Variants in IL1RAPL2 observed in about 807,000 individuals in gnomAD.
IL1RAPL2 encodes the protein interleukin 1 receptor accessory protein like 2.
Under a neutral mutation model 44.1 loss-of-function variants are expected in IL1RAPL2, and 3 were observed. That is an observed-to-expected ratio of 0.07 (90% CI 0.03 to 0.18). The LOEUF is 0.18. IL1RAPL2 is among the 10% of genes least tolerant of loss of function. The pLI is 1.00. For synonymous variants in IL1RAPL2, 181 were observed against 178.8 expected, an observed-to-expected ratio of 1.01 and a Z score of -0.10; for missense variants, 391 against 496.4, an observed-to-expected ratio of 0.79 and a Z score of 2.02.
At position 104,872,908 on chromosome X, in the gene IL1RAPL2, A is replaced by G. The variant is rs990440763; in HGVS notation, c.82+213913A>G. ...AAATACATGAGAAACCTTAACACCA[A>G]GAAATATACTTCACAGAACCTAGAG... On this transcript the variant is annotated intron_variant, in intron 2 of 10. Transcript: ENST00000372582. Among the ~76,000 whole-genome samples the G allele has an allele frequency of 2.5e-4, 28 of 111,459 alleles. 1 individual carries two copies. Among genetic ancestry groups the G allele is most frequent in the Admixed American group, 1.7e-3 (18 of 10,439 alleles).
chrX:105,191,510 C>T (rs1448339235), intron 2 of IL1RAPL2, among the ~76,000 whole-genome samples: 1 of 111,869 alleles, frequency 8.9e-6, no homozygotes, highest in Non-Finnish European at 1.9e-5. Flanking sequence ...CCACTGCACC[C>T]GGCCGATATT....
At chrX:105,086,260 TAC>T (rs57243276) in intron 2 of IL1RAPL2, among the ~76,000 whole-genome samples, 1,790 of 107,655 alleles carry the variant, frequency 0.017, 40 homozygotes, top group African/African-American at 0.058. Context: ...GAAAATGTGA[TAC>T]ACACACACAC....
intron 1 of IL1RAPL2, among the ~76,000 whole-genome samples, chrX:104,576,732 T>C (rs1928250628): frequency 8.9e-6 from 1 of 112,058 alleles, no homozygotes; most frequent in Admixed American, 9.5e-5. Flanking sequence ...GTCCTTTTGC[T>C]AATATCTTCA....
intron 2 of IL1RAPL2, among the ~76,000 whole-genome samples, chrX:105,102,594 A>G (rs947463816): frequency 4.5e-5 from 5 of 111,915 alleles, no homozygotes; most frequent in African/African-American, 1.6e-4. Flanking sequence ...CTATCTGAAC[A>G]TGAATGTATG....
chrX:105,219,196 GGC>G (rs2033907914), intron 3 of IL1RAPL2: 3 of 1,208,755 alleles, frequency 2.5e-6, no homozygotes, highest in African/African-American at 3.5e-5. Flanking sequence ...CCAGTCGGAA[GGC>G]AGCTGAGGCG....
chrX:105,530,817 A>G (rs1292097126), intron 6 of IL1RAPL2, among the ~76,000 whole-genome samples: 2 of 107,547 alleles, frequency 1.9e-5, no homozygotes, highest in Non-Finnish European at 3.8e-5. Context: ...GATCCCACAA[A>G]TAAGTGAGAA....
intron 2 of IL1RAPL2, among the ~76,000 whole-genome samples, chrX:104,670,385 C>T (rs1439853024): frequency 9.0e-6 from 1 of 111,499 alleles, no homozygotes; most frequent in African/African-American, 3.3e-5. Flanking sequence ...CTGCTTTGTT[C>T]TAGTTCTGCT....
chrX:104,794,522 A>C (rs989760084), intron 2 of IL1RAPL2, among the ~76,000 whole-genome samples: 2 of 111,478 alleles, frequency 1.8e-5, no homozygotes, highest in African/African-American at 6.5e-5. Context: ...AGGGAGGAAG[A>C]TAGGTGGTGG....
In IL1RAPL2 at chrX:105,157,993, G is replaced by A. The variant is rs766042428; in HGVS notation, c.83-37482G>A. Among the ~76,000 whole-genome samples, 14 of 112,100 alleles carry A rather than the reference G, an allele frequency of 1.2e-4. No homozygotes were observed. In the South Asian group the frequency reaches 5.2e-3, roughly 41 times the overall value. On this transcript the variant is annotated intron_variant, in intron 2 of 10. Coordinates refer to ENST00000372582, the MANE Select transcript of IL1RAPL2 (RefSeq NM_017416.2). ...AAAAAGAGTAGAACTATGGGGCACGGAGGAAAAGCTTCATCTACAGTAAGG... is the reference window on the plus strand; with the variant it reads ...AAAAAGAGTAGAACTATGGGGCACGAAGGAAAAGCTTCATCTACAGTAAGG...
chrX:105,304,013 C>A (rs892711819), intron 5 of IL1RAPL2, among the ~76,000 whole-genome samples: 1 of 112,887 alleles, frequency 8.9e-6, no homozygotes, highest in African/African-American at 3.2e-5. Flanking sequence ...AAGTGAGGCT[C>A]CAGGGACAGC....
chrX:105,542,724 TTTATTTAA>T lies in IL1RAPL2; in HGVS notation c.772+58340_772+58347del, dbSNP rs1257670995. 2.2e-3 allele frequency among the ~76,000 whole-genome samples: 213 copies of T among 95,580 alleles called. 1 individual carries two copies. Among genetic ancestry groups the T allele is most frequent in the South Asian group, 3.1e-3 (6 of 1,960 alleles). 83.0% of individuals were successfully genotyped at this position (95,580 alleles called of 115,157 possible). On this transcript the variant is annotated intron_variant, in intron 6 of 10. Transcript: ENST00000372582. Reference sequence around the variant, plus strand: ...ATTTATTTATTTATTTATTTATTTATTTATTTAATTTATTATTTTTTTTTTTTGAGACG... The same window carrying T: ...ATTTATTTATTTATTTATTTATTTATTTTATTATTTTTTTTTTTTGAGACG...
intron 5 of IL1RAPL2, among the ~76,000 whole-genome samples, chrX:105,283,713 G>C (rs1003741812): frequency 3.7e-4 from 41 of 110,834 alleles, no homozygotes; most frequent in African/African-American, 1.3e-3. Context: ...GGGATGTAGA[G>C]TAGACAGTTA....
chrX:105,297,499 C>T (rs754059475), intron 5 of IL1RAPL2, among the ~76,000 whole-genome samples: 26 of 110,647 alleles, frequency 2.3e-4, no homozygotes, highest in Admixed American at 4.8e-4. Context: ...CAGGAAACTA[C>T]AGTCATGGCA....
chrX:104,948,113 T>C (rs1338392603), intron 2 of IL1RAPL2, among the ~76,000 whole-genome samples: 5 of 107,774 alleles, frequency 4.6e-5, no homozygotes, highest in African/African-American at 1.7e-4. Context: ...TTTGTAGTTC[T>C]CCTTGAAGAG....
chrX:104,848,105 G>C (rs1047778407), intron 2 of IL1RAPL2, among the ~76,000 whole-genome samples: 2 of 109,920 alleles, frequency 1.8e-5, no homozygotes, highest in African/African-American at 6.6e-5. Context: ...TGAGGCGATG[G>C]GGTTTTCTAA....
At chrX:105,095,171 C>T (rs908051432) in intron 2 of IL1RAPL2, among the ~76,000 whole-genome samples, 3 of 110,601 alleles carry the variant, frequency 2.7e-5, no homozygotes, top group Non-Finnish European at 5.7e-5. Flanking sequence ...TGCCTAATTC[C>T]CTTGCCTGTC....
chrX:104,633,135 G>C (rs1445873215), intron 1 of IL1RAPL2, among the ~76,000 whole-genome samples: 2 of 111,563 alleles, frequency 1.8e-5, no homozygotes, highest in African/African-American at 6.5e-5. Context: ...TTATATGCTG[G>C]ATTATGTTTA....
At chrX:104,664,578 T>G (rs1185414516) in intron 2 of IL1RAPL2, among the ~76,000 whole-genome samples, 1 of 111,743 alleles carries the variant, frequency 8.9e-6, no homozygotes, top group Non-Finnish European at 1.9e-5. Context: ...TTGTTGTTGC[T>G]TACTGTGGGA....
chrX:105,024,561 T>C lies in IL1RAPL2; in HGVS notation c.83-170914T>C, dbSNP rs73518211. 8.6e-3 allele frequency among the ~76,000 whole-genome samples: 960 copies of C among 111,516 alleles called. 11 individuals are homozygous for C. Among genetic ancestry groups the C allele is most frequent in the Middle Eastern group, 0.037 (8 of 218 alleles). ...GGTGAGGACTGATGGTAACAAAGGT[T>C]GTGAAAATTCGACATTGCTGGTTTT... On this transcript the variant is annotated intron_variant, in intron 2 of 10. Transcript: ENST00000372582.
Sources: gnomAD v4.1 joint callset for allele counts (sites outside exome capture counted in the v4.1 genomes callset) on GRCh38, gnomAD v4.1.1 for gene constraint, MANE v1.5 for transcripts, NCBI Gene and HGNC (gene_info 2026-07-23, HGNC 2026-07-21) for gene names.